The following ZCCHC7 variants were observed in gnomAD, a reference collection of about 807,000 sequenced individuals.
ZCCHC7 encodes the protein zinc finger CCHC domain-containing protein 7.
ZCCHC7 carries 35 observed loss-of-function variants against 52.0 expected under a neutral mutation model. The ratio of observed to expected loss-of-function variants is 0.67; its 90% CI spans 0.51 to 0.89. The LOEUF (loss-of-function observed/expected upper bound fraction) is 0.89. ZCCHC7 is among the 40% of genes least tolerant of loss of function. The pLI, the probability that ZCCHC7 is intolerant of heterozygous loss-of-function variation, is 0.00. For missense variants in ZCCHC7, 574 were observed against 649.1 expected (o/e 0.88, Z 1.26); for synonymous variants, 217 against 221.5 (o/e 0.98, Z 0.18).
intron 2 of ZCCHC7, among the ~76,000 whole-genome samples, chr9:37,157,023 T>G (rs1455842130): frequency 6.6e-6 from 1 of 151,032 alleles, no homozygotes; most frequent in Non-Finnish European, 1.5e-5. Flanking sequence ...TAAGATGTGG[T>G]TTTCTGTTAT....
intron 1 of ZCCHC7, among the ~76,000 whole-genome samples, 196 bp from the exon 2 acceptor site, chr9:37,126,116 G>A (rs1010769292): frequency 7.9e-5 from 12 of 152,154 alleles, no homozygotes; most frequent in East Asian, 1.9e-4. Context: ...AGTAATTCTC[G>A]TTGGGGAGTG....
intron 2 of ZCCHC7, among the ~76,000 whole-genome samples, chr9:37,240,329 A>G (rs746566811): frequency 6.6e-6 from 1 of 151,914 alleles, no homozygotes; most frequent in African/African-American, 2.4e-5. Flanking sequence ...CAGAATATTA[A>G]ATTTATATTT....
chr9:37,217,884 AATG>A (rs1294079737), intron 2 of ZCCHC7, among the ~76,000 whole-genome samples: 1 of 152,340 alleles, frequency 6.6e-6, no homozygotes, highest in South Asian at 2.1e-4. Flanking sequence ...TCTCTTCAGT[AATG>A]ATGATCTTGA....
intron 2 of ZCCHC7, among the ~76,000 whole-genome samples, chr9:37,276,952 G>A (rs1389070154): frequency 1.3e-5 from 2 of 152,218 alleles, no homozygotes; most frequent in East Asian, 3.9e-4. Context: ...TTATTAAATA[G>A]TGAAAAATTG....
intron 2 of ZCCHC7, among the ~76,000 whole-genome samples, chr9:37,259,045 T>C (rs1196052852): frequency 6.6e-6 from 1 of 152,094 alleles, no homozygotes; most frequent in African/African-American, 2.4e-5. Context: ...ACTTGGATTA[T>C]TATAACATGT....
intron 5 of ZCCHC7, among the ~76,000 whole-genome samples, chr9:37,308,344 GT>G (rs368275429): frequency 0.06 from 8,762 of 147,160 alleles, 655 homozygotes; most frequent in African/African-American, 0.18. Flanking sequence ...AATAGCATCT[GT>G]TTTTTTTTTA....
intron 2 of ZCCHC7, among the ~76,000 whole-genome samples, chr9:37,177,397 C>T (rs1822099538): frequency 6.6e-6 from 1 of 152,002 alleles, no homozygotes; most frequent in African/African-American, 2.4e-5. Flanking sequence ...GAAATAGCTA[C>T]AGACTGAGAG....
rs1204262082 is a variant in ZCCHC7 at position 37,274,336 on chromosome 9, T to C, written c.611-27852T>C. Among the ~76,000 whole-genome samples the C allele has an allele frequency of 5.2e-5, 7 of 133,694 alleles. No homozygotes were observed. The South Asian group carries it at 1.1e-3, about 20-fold the overall frequency. The allele number at this position is 133,694 out of a possible 152,430, so 87.7% of individuals were successfully genotyped here. A position where few individuals can be genotyped will look rare whatever the true frequency, so the allele number is the denominator to read the frequency against. On this transcript the variant is annotated intron_variant, in intron 2 of 8. Coordinates refer to ENST00000336755, the MANE Select transcript of ZCCHC7 (RefSeq NM_032226.3). ...AAAATTACCATATCTAATTTCTTTTTTTTTTTTTTTTTTTTTTTTTTGAGA... is the reference window on the plus strand; with the variant it reads ...AAAATTACCATATCTAATTTCTTTTCTTTTTTTTTTTTTTTTTTTTTGAGA...
chr9:37,159,677 A>G (rs568340829), intron 2 of ZCCHC7, among the ~76,000 whole-genome samples: 5 of 152,196 alleles, frequency 3.3e-5, no homozygotes, highest in Non-Finnish European at 7.3e-5. Context: ...TTCTGTTCCT[A>G]TAACATTTGC....
At position 37,164,862 on chromosome 9, in the gene ZCCHC7, A is replaced by G. The variant is rs373507817; in HGVS notation, c.610+37920A>G. Among the ~76,000 whole-genome samples the G allele has an allele frequency of 3.9e-5, 6 of 152,320 alleles. No homozygotes were observed. The South Asian group carries it at 1.2e-3, about 32-fold the overall frequency. ...ATTACAGTCATGAGCCACTGCACCC[A>G]GATGCATTTCTGTATAGATTTTAAG... On this transcript the variant is annotated intron_variant, in intron 2 of 8. Transcript: ENST00000336755.
intron 2 of ZCCHC7, among the ~76,000 whole-genome samples, chr9:37,168,984 C>T (rs182456548): frequency 3.9e-5 from 6 of 152,306 alleles, no homozygotes; most frequent in Non-Finnish European, 8.8e-5. Flanking sequence ...CAGGACCCTT[C>T]CTACATCCCG....
intron 6 of ZCCHC7, among the ~76,000 whole-genome samples, chr9:37,330,542 GA>G (rs1432789627): frequency 6.6e-6 from 1 of 150,734 alleles, no homozygotes; most frequent in South Asian, 2.1e-4. Context: ...TGGAGACCAT[GA>G]AAAAAAGAAA....
At chr9:37,232,051 G>A (rs1825434628) in intron 2 of ZCCHC7, among the ~76,000 whole-genome samples, 1 of 152,108 alleles carries the variant, frequency 6.6e-6, no homozygotes, top group African/African-American at 2.4e-5. Context: ...ACATTTCTGC[G>A]TTTTGGTTTA....
At chr9:37,154,855 A>G (rs1588390991) in intron 2 of ZCCHC7, among the ~76,000 whole-genome samples, 1 of 152,262 alleles carries the variant, frequency 6.6e-6, no homozygotes, top group East Asian at 1.9e-4. Context: ...TGATGATAAT[A>G]TTTAGTAAAA....
At chr9:37,336,945 A>T (rs543472780) in intron 6 of ZCCHC7, among the ~76,000 whole-genome samples, 2 of 152,226 alleles carry the variant, frequency 1.3e-5, no homozygotes, top group Admixed American at 6.5e-5. Flanking sequence ...AAACAGTGGT[A>T]AGATACCCTG....
At chr9:37,268,036 A>G (rs1416930449) in intron 2 of ZCCHC7, among the ~76,000 whole-genome samples, 1 of 152,086 alleles carries the variant, frequency 6.6e-6, no homozygotes, top group Non-Finnish European at 1.5e-5. Flanking sequence ...GATCACATCA[A>G]CCCAAGATTC....
At chr9:37,327,082 C>G (rs1352338872) in intron 5 of ZCCHC7, 5 of 152,064 alleles carry the variant, frequency 3.3e-5, no homozygotes, top group Non-Finnish European at 7.4e-5. Flanking sequence ...ATATTCTAAT[C>G]ACTGTTTTTG....
intron 2 of ZCCHC7, among the ~76,000 whole-genome samples, chr9:37,130,406 T>G (rs1842732016): frequency 6.8e-6 from 1 of 146,080 alleles, no homozygotes; most frequent in South Asian, 2.2e-4. Context: ...CAAGGCTAGT[T>G]TGGAACTCCT....
rs532113166 is a variant in ZCCHC7, at chr9:37,333,553, G to A, written c.987+5719G>A. On this transcript the variant is annotated intron_variant, in intron 6 of 8. Transcript: ENST00000336755. ...AAAATGGAAAGAAGTACTTGTTGTG[G>A]TCATCTGTTTTCTTATCTGTTAACA... 1.7e-4 allele frequency among the ~76,000 whole-genome samples: 26 copies of A among 151,750 alleles called. 1 individual carries two copies. In the South Asian group the frequency reaches 5.4e-3, roughly 32 times the overall value.
Sources: gnomAD v4.1 joint callset for allele counts (sites outside exome capture counted in the v4.1 genomes callset) on GRCh38, gnomAD v4.1.1 for gene constraint, MANE v1.5 for transcripts, NCBI Gene and HGNC (gene_info 2026-07-23, HGNC 2026-07-21) for gene names.